ACSM4: variants seen among roughly 807,000 people sequenced by gnomAD.
The protein encoded by ACSM4 is acyl-CoA synthetase medium chain family member 4, also known as acyl-coenzyme A synthetase ACSM4, mitochondrial.
ACSM4 carries 66 observed loss-of-function variants against 73.0 expected under a neutral mutation model. That is an observed-to-expected ratio of 0.90 (90% CI 0.74 to 1.11). The LOEUF (loss-of-function observed/expected upper bound fraction) is 1.11, where lower values mean the gene tolerates loss of function less well. Among genes scored for constraint, ACSM4 ranks in the 50% least tolerant of loss-of-function variants. The pLI is 0.00. For missense variants in ACSM4, 645 were observed against 714.4 expected, an observed-to-expected ratio of 0.90 and a Z score of 1.11; for synonymous variants, 222 against 254.0, an observed-to-expected ratio of 0.87 and a Z score of 1.20.
chr12:7,328,021 G>A (rs1433740015), intron 12 of ACSM4, among the ~76,000 whole-genome samples: 1 of 152,094 alleles, frequency 6.6e-6, no homozygotes, highest in East Asian at 1.9e-4. Context: ...GTTTGAACTA[G>A]GGGAAAGCAA....
intron 1 of ACSM4, among the ~76,000 whole-genome samples, chr12:7,305,843 G>A (rs1472541616): frequency 6.6e-6 from 1 of 152,180 alleles, no homozygotes; most frequent in Non-Finnish European, 1.5e-5. Flanking sequence ...GGGAAAGAAG[G>A]GAGAGTAATT....
chr12:7,304,639 C>A, intron 1 of ACSM4, 107 bp downstream of exon 1: 1 of 1,181,610 alleles, frequency 8.5e-7, no homozygotes, highest in Non-Finnish European at 1.2e-6. Flanking sequence ...CTCTCTCACC[C>A]TCTTGGTTTC....
intron 1 of ACSM4, among the ~76,000 whole-genome samples, chr12:7,305,353 C>T (rs1946356299): frequency 6.6e-6 from 1 of 152,072 alleles, no homozygotes; most frequent in African/African-American, 2.4e-5. Flanking sequence ...ATATATATTC[C>T]TTCTTAAGTA....
chr12:7,323,092 A>G, intron 7 of ACSM4, 142 bp from the exon 8 acceptor site: 1 of 730,736 alleles, frequency 1.4e-6, no homozygotes, highest in Admixed American at 2.9e-5. Context: ...TTTGAGAACT[A>G]CTGGTTTCAA....
chr12:7,324,397 C>T lies in ACSM4; in HGVS notation c.1433C>T (p.Ser478Phe). The T allele has an allele frequency of 6.2e-7, 1 of 1,614,100 alleles. No individual in the cohort carries two copies. The highest frequency in any genetic ancestry group is 1.1e-5 in the South Asian group (1 of 91,080). Residue 478 changes from serine to phenylalanine, a missense_variant, in exon 10 of 13, where the codon TCT becomes TTT. Physicochemically the swap from Ser to Phe is radical, Grantham distance 155. Coordinates refer to ENST00000399422, the MANE Select transcript of ACSM4 (RefSeq NM_001080454.2). ...VGRADDVIIS[S>F]GYRIGPFEVE... ...AGAGCTGATGATGTCATTATATCCT[C>T]TGGGTTTGTATATTTGCCACTCTGA...
intron 11 of ACSM4, among the ~76,000 whole-genome samples, chr12:7,325,347 G>A (rs1408121894): frequency 2.0e-5 from 3 of 152,204 alleles, no homozygotes; most frequent in African/African-American, 7.2e-5. Context: ...ACAGAAACAA[G>A]ACAAATAGAA....
At chr12:7,312,194 T>C (rs1946395030) in intron 3 of ACSM4, among the ~76,000 whole-genome samples, 1 of 152,216 alleles carries the variant, frequency 6.6e-6, no homozygotes, top group South Asian at 2.1e-4. Context: ...AGACTTTGTT[T>C]GGTTGATCTT....
At chr12:7,327,919 C>A (rs1197053540) in intron 12 of ACSM4, among the ~76,000 whole-genome samples, 1 of 152,102 alleles carries the variant, frequency 6.6e-6, no homozygotes, top group Non-Finnish European at 1.5e-5. Flanking sequence ...TTCCTCAAAA[C>A]CTCCAGCATC....
chr12:7,328,369 G>T lies in ACSM4; in HGVS notation c.1739G>T (p.Arg580Ile). ...TTAAGAGACCAAGAATGGAGAGGAAGATAGTTTGATAACAAAGCTGAAGGG... is the reference window on the plus strand; with the variant it reads ...TTAAGAGACCAAGAATGGAGAGGAATATAGTTTGATAACAAAGCTGAAGGG... ...NVLRDQEWRGR is the reference protein window; with the variant it reads ...NVLRDQEWRGI The change falls in exon 13 of 13, where the codon AGA becomes ATA. Residue 580 changes from arginine (R) to isoleucine (I), a missense_variant. By Grantham distance (97) the Arg-to-Ile change is moderately conservative. Coordinates refer to ENST00000399422, the MANE Select transcript of ACSM4 (RefSeq NM_001080454.2). 1 of 1,583,176 alleles carries T rather than the reference G, an allele frequency of 6.3e-7. No individual in the cohort carries two copies. The highest frequency in any genetic ancestry group is 8.6e-7 in the Non-Finnish European group (1 of 1,163,280).
chr12:7,308,068 A>T (rs1009397370), intron 2 of ACSM4, among the ~76,000 whole-genome samples: 1 of 152,212 alleles, frequency 6.6e-6, no homozygotes, highest in African/African-American at 2.4e-5. Context: ...TGTATAAGTG[A>T]TTAAAATTAT....
intron 2 of ACSM4, among the ~76,000 whole-genome samples, chr12:7,306,979 G>A (rs1275703741): frequency 6.6e-6 from 1 of 152,190 alleles, no homozygotes; most frequent in Non-Finnish European, 1.5e-5. Context: ...AGCTTGCCGG[G>A]CGTGGTGGCT....
rs571669791 is a variant in ACSM4 at position 7,325,881 on chromosome 12, C to T, written c.1537-1095C>T. Among the ~76,000 whole-genome samples the T allele has an allele frequency of 5.1e-4, 78 of 152,322 alleles. No homozygotes were observed. In the South Asian group the frequency reaches 0.016, roughly 31 times the overall value. On this transcript the variant is annotated intron_variant, in intron 11 of 12. Transcript: ENST00000399422. ...TCCACATCTGTACCTCCCTCTCACA[C>T]ACCAGTGAGCCTCTGTAGTGACACT...
chr12:7,317,080 T>G, intron 3 of ACSM4, 57 bp from the exon 4 acceptor site: 1 of 1,558,262 alleles, frequency 6.4e-7, no homozygotes, highest in Non-Finnish European at 8.7e-7. Flanking sequence ...AGAGGAAATA[T>G]CAGAGTCAAA....
rs368742479 is a variant in ACSM4, at chr12:7,322,464, C to G, written c.1048C>G (p.Leu350Val). ...LRHCLTGGEPLNPEVLEQWRV... is the reference protein window; with the variant it reads ...LRHCLTGGEPVNPEVLEQWRV... ...GCACTGCTTGACCGGAGGGGAGCCACTCAACCCAGAAGTGCTGGAGCAGTG... is the reference window on the plus strand; with the variant it reads ...GCACTGCTTGACCGGAGGGGAGCCAGTCAACCCAGAAGTGCTGGAGCAGTG... The change falls in exon 7 of 13, where the codon CTC (leucine) becomes GTC (valine). Residue 350 changes from leucine (L) to valine (V), a missense_variant. Coordinates refer to ENST00000399422, the MANE Select transcript of ACSM4 (RefSeq NM_001080454.2). 1.2e-6 allele frequency: 2 copies of G among 1,613,880 alleles called. No individual in the cohort carries two copies. The highest frequency in any genetic ancestry group is 1.7e-6 in the Non-Finnish European group (2 of 1,179,846).
In ACSM4 at chr12:7,310,643, C is replaced by T; in HGVS notation, c.517C>T (p.Pro173Ser). 1 of 1,613,338 alleles carries T rather than the reference C, an allele frequency of 6.2e-7. No individual in the cohort carries two copies. The highest frequency in any genetic ancestry group is 8.5e-7 in the Non-Finnish European group (1 of 1,179,660). Reference protein sequence around the residue: ...KCIVASEEVAPAVESIVLECP... With the variant: ...KCIVASEEVASAVESIVLECP... ...CATTGTGGCCAGTGAGGAGGTGGCC[C>T]CAGCGGTGGAGTCCATTGTATTGGA... Residue 173 changes from proline to serine, a missense_variant, in exon 3 of 13, where the codon CCA becomes TCA. Coordinates refer to ENST00000399422, the MANE Select transcript of ACSM4 (RefSeq NM_001080454.2).
chr12:7,318,040 T>C lies in ACSM4; in HGVS notation c.779T>C (p.Leu260Ser), dbSNP rs1255786424. ...FTLCGRYWLD[L>S]KSSDIIWNMS... ...ATATCATTTAGGTATTGGCTGGACTTGAAGTCCTCAGATATCATATGGAAT... is the reference window on the plus strand; with the variant it reads ...ATATCATTTAGGTATTGGCTGGACTCGAAGTCCTCAGATATCATATGGAAT... Residue 260 changes from leucine (L) to serine (S), a missense_variant, in exon 5 of 13, where the codon TTG becomes TCG. Leu to Ser is a moderately radical substitution (Grantham distance 145). Coordinates refer to ENST00000399422, the MANE Select transcript of ACSM4 (RefSeq NM_001080454.2). 1.2e-6 allele frequency: 2 copies of C among 1,613,480 alleles called. No individual in the cohort carries two copies. The highest frequency in any genetic ancestry group is 1.7e-6 in the Non-Finnish European group (2 of 1,179,704).
At chr12:7,310,080 C>T (rs1946381686) in intron 2 of ACSM4, among the ~76,000 whole-genome samples, 2 of 152,210 alleles carry the variant, frequency 1.3e-5, no homozygotes, top group Admixed American at 1.3e-4. Context: ...AGCCACCGCG[C>T]CTGGCAGGAG....
intron 4 of ACSM4, among the ~76,000 whole-genome samples, chr12:7,317,531 T>G (rs866259034): frequency 3.3e-5 from 5 of 152,166 alleles, no homozygotes; most frequent in Admixed American, 6.5e-5. Context: ...CTTTTCTCAT[T>G]GCCAGGAAGG....
intron 12 of ACSM4, 87 bp downstream of exon 12, chr12:7,327,182 A>G: frequency 7.1e-7 from 1 of 1,413,428 alleles, no homozygotes; most frequent in Non-Finnish European, 9.4e-7. Context: ...TTGATTTTAT[A>G]GTAGCTCATT....
Sources: allele counts gnomAD v4.1 joint callset (sites outside exome capture counted in the v4.1 genomes callset), GRCh38; gene constraint gnomAD v4.1.1; transcripts MANE v1.5; gene names NCBI Gene and HGNC (gene_info 2026-07-23, HGNC 2026-07-21).